Variants in DENND4C observed in about 807,000 individuals in gnomAD.
DENND4C encodes the protein DENN domain-containing protein 4C.
In DENND4C, 108 loss-of-function variants were observed where a neutral mutation model predicts 203.0. That is an observed-to-expected ratio of 0.53 (90% CI 0.46 to 0.62). The LOEUF is 0.62. Ranked by LOEUF, DENND4C falls within the 20% of genes least tolerant of loss-of-function variation. The probability of loss-of-function intolerance (pLI) is 0.00; values close to 1 mark genes in which losing one functional copy is unlikely to be tolerated. For synonymous variants in DENND4C, 871 were observed against 792.4 expected (o/e 1.10, Z -1.67); for missense variants, 2,481 against 2,301.2 (o/e 1.08, Z -1.60).
rs954455713 is a variant in DENND4C at position 19,346,812 on chromosome 9, C to T, written c.4043C>T (p.Ala1348Val). Reference sequence around the variant, plus strand: ...CCTGAAAGTGAAAAGAGCTCACCTGCAGTGTCCAGGTCTAAAACTTTTACT... The same window carrying T: ...CCTGAAAGTGAAAAGAGCTCACCTGTAGTGTCCAGGTCTAAAACTTTTACT... Reference protein sequence around the residue: ...ENPESEKSSPAVSRSKTFTGR... With the variant: ...ENPESEKSSPVVSRSKTFTGR... The change falls in exon 23 of 33, where the codon GCA (alanine) becomes GTA (valine). Residue 1348 changes from alanine (A) to valine (V), a missense_variant. This residue lies in a region of DENND4C where 2,289 missense variants were observed against 2,113.3 expected (regional missense o/e 1.08). Coordinates refer to ENST00000434457, the MANE Select transcript of DENND4C (RefSeq NM_001330640.2). 6.2e-7 allele frequency: 1 copy of T among 1,614,210 alleles called. No individual in the cohort carries two copies. Among genetic ancestry groups the T allele is most frequent in the Non-Finnish European group, 8.5e-7 (1 of 1,180,034 alleles).
chr9:19,311,522 A>G lies in DENND4C; in HGVS notation c.1488-4895A>G, dbSNP rs143585079. On this transcript the variant is annotated intron_variant, in intron 10 of 32. Coordinates refer to ENST00000434457, the MANE Select transcript of DENND4C (RefSeq NM_001330640.2). ...GTTGAGATTTGCTTTGAAGCCAAGT[A>G]TATCGTCAGTTTTTGTAAATATTCT... 2.5e-3 allele frequency among the ~76,000 whole-genome samples: 378 copies of G among 152,314 alleles called. 2 individuals carry two copies. Among genetic ancestry groups the G allele is most frequent in the African/African-American group, 8.8e-3 (366 of 41,578 alleles).
At chr9:19,234,140 G>C (rs540252629) in intron 1 of DENND4C, among the ~76,000 whole-genome samples, 1 of 152,092 alleles carries the variant, frequency 6.6e-6, no homozygotes, top group East Asian at 1.9e-4. Flanking sequence ...GCTTTTAATA[G>C]TCCAAAGTTT....
chr9:19,373,151 A>G lies in DENND4C; in HGVS notation c.*978A>G, dbSNP rs770069253. The G allele has an allele frequency of 5.9e-5, 9 of 152,194 alleles. No homozygotes were observed. The highest frequency in any genetic ancestry group is 8.8e-5 in the Non-Finnish European group (6 of 68,032). The allele number at this position is 152,194 out of a possible 1,614,324, so 9.4% of individuals were successfully genotyped here. A position where few individuals can be genotyped will look rare whatever the true frequency, so the allele number is the denominator to read the frequency against. The stretch of plus-strand genomic sequence containing the variant: ...AAAATTAATTGTAGTTTTTGCCACT[A>G]TTAATGGCAAAAACCGCAATTATTT... On this transcript the variant is annotated 3_prime_UTR_variant, in exon 33 of 33. Transcript: ENST00000434457.
chr9:19,261,196 C>T (rs548137576), intron 1 of DENND4C, among the ~76,000 whole-genome samples: 2 of 152,074 alleles, frequency 1.3e-5, no homozygotes, highest in East Asian at 3.9e-4. Context: ...TTTCTGGGTT[C>T]TCTATTGTGT....
intron 1 of DENND4C, among the ~76,000 whole-genome samples, chr9:19,272,861 G>A (rs1156925065): frequency 7.9e-5 from 12 of 151,766 alleles, no homozygotes; most frequent in Non-Finnish European, 1.6e-4. Flanking sequence ...TCTGCCTCCC[G>A]GGTTCAAGTG....
chr9:19,251,314 G>A (rs1826526076), intron 1 of DENND4C, among the ~76,000 whole-genome samples: 1 of 152,208 alleles, frequency 6.6e-6, no homozygotes, highest in African/African-American at 2.4e-5. Context: ...TGGAGTGGCT[G>A]GGATGCAGAG....
chr9:19,371,119 C>T (rs887824704), intron 31 of DENND4C, among the ~76,000 whole-genome samples: 6 of 147,822 alleles, frequency 4.1e-5, no homozygotes, highest in African/African-American at 1.6e-4. Flanking sequence ...ATCAGCCTTA[C>T]GTCTTTTTTT....
rs1194040675 is a variant in DENND4C at position 19,347,910 on chromosome 9, AC to A, written c.4317+825del. Among the ~76,000 whole-genome samples, 16 of 152,360 alleles carry A rather than the reference AC, an allele frequency of 1.1e-4. 1 individual carries two copies. Among genetic ancestry groups the A allele is most frequent in the Middle Eastern group, 3.4e-3 (1 of 294 alleles). On this transcript the variant is annotated intron_variant, in intron 23 of 32. Transcript: ENST00000434457. ...GGCAAAAATAATTGTCTTTAAAAAA[AC>A]GTTATACATAGAGTTAATCATTAGA...
chr9:19,358,048 CT>C lies in DENND4C; in HGVS notation c.5051del (p.Leu1684Ter), dbSNP rs1365696183. 6.2e-7 allele frequency: 1 copy of C among 1,613,792 alleles called. No homozygotes were observed. The highest frequency in any genetic ancestry group is 8.5e-7 in the Non-Finnish European group (1 of 1,179,840). Reference sequence around the variant, plus strand: ...AATAGTTTATCAAAGCGAAATGTGTCTTTGACTCGAAGTCACAGTGTTGGAG... The same window carrying C: ...AATAGTTTATCAAAGCGAAATGTGTCTTGACTCGAAGTCACAGTGTTGGAG... The part of the protein sequence containing the change: ...VPNSLSKRNV[S>X]LTRSHSVGGP... On this transcript the variant is annotated frameshift_variant, in exon 28 of 33. Transcript: ENST00000434457. LOFTEE classifies it high-confidence loss of function. This position sits in a 1 kb window ranked among gnomAD's most constrained non-coding sequence, Gnocchi z 4.8.
At position 19,304,693 on chromosome 9, in the gene DENND4C, C is replaced by T. The variant is rs564724595; in HGVS notation, c.1312-659C>T. Among the ~76,000 whole-genome samples the T allele has an allele frequency of 1.1e-3, 171 of 151,296 alleles. 2 individuals carry two copies. Among genetic ancestry groups the T allele is most frequent in the South Asian group, 0.011 (52 of 4,790 alleles). On this transcript the variant is annotated intron_variant, in intron 9 of 32. Transcript: ENST00000434457. ...CTGGGACTATAGGGGCCCACCACCA[C>T]GTCTGGCTAATTTTTTGTACTTTTT... is the stretch of plus-strand genomic sequence containing the variant.
chr9:19,319,395 T>TATATATATACACACATATATATATATAC (rs1563799266), intron 12 of DENND4C, among the ~76,000 whole-genome samples: 1 of 130,088 alleles, frequency 7.7e-6, no homozygotes, highest in Non-Finnish European at 1.5e-5. Flanking sequence ...TATATATACA[T>TATATATATACACACATATATATATATAC]ATATATATAC....
intron 10 of DENND4C, among the ~76,000 whole-genome samples, chr9:19,306,743 T>TTGTA (rs1188223908): frequency 6.9e-5 from 10 of 143,986 alleles, no homozygotes; most frequent in Admixed American, 3.6e-4. Context: ...GTTTGCACAA[T>TTGTA]TGTATTTATT....
intron 3 of DENND4C, among the ~76,000 whole-genome samples, chr9:19,287,481 A>C (rs1588846340): frequency 6.6e-6 from 1 of 151,098 alleles, no homozygotes; most frequent in East Asian, 2.0e-4. Flanking sequence ...ACCAGGCTCA[A>C]GTGATCTTCC....
chr9:19,335,138 G>T, intron 18 of DENND4C, 33 bp downstream of exon 18: 1 of 1,442,662 alleles, frequency 6.9e-7, no homozygotes, highest in East Asian at 2.5e-5. Flanking sequence ...AAGATGTGGT[G>T]TTTATTAAGA....
chr9:19,264,800 T>C (rs945747933), intron 1 of DENND4C, among the ~76,000 whole-genome samples: 1 of 152,134 alleles, frequency 6.6e-6, no homozygotes, highest in Non-Finnish European at 1.5e-5. Flanking sequence ...TTGATTTATT[T>C]CTGCTGTGAT....
Position 19,286,886 on chromosome 9 carries a change from C to A in DENND4C, c.423C>A (p.Ile141=). The part of the protein sequence containing the change: ...NSSTTSQRIF[I]TYRRAPPVRP... Reference sequence around the variant, plus strand: ...CAACTACTTCACAAAGAATCTTTATCACTTATCGAAGGGCTCCTCCAGTTC... The same window carrying A: ...CAACTACTTCACAAAGAATCTTTATAACTTATCGAAGGGCTCCTCCAGTTC... Residue 141 remains isoleucine (I), a synonymous_variant, in exon 3 of 33, where the codon ATC becomes ATA. Transcript: ENST00000434457. 1 of 1,232,142 alleles carries A rather than the reference C, an allele frequency of 8.1e-7. No homozygotes were observed. The highest frequency in any genetic ancestry group is 1.0e-6 in the Non-Finnish European group (1 of 987,956). The allele number at this position is 1,232,142 out of a possible 1,614,324, so 76.3% of individuals were successfully genotyped here. A position where few individuals can be genotyped will look rare whatever the true frequency, so the allele number is the denominator to read the frequency against.
At position 19,373,755 on chromosome 9, in the gene DENND4C, T is replaced by G. The variant is rs878883486; in HGVS notation, c.*1582T>G. On this transcript the variant is annotated 3_prime_UTR_variant, in exon 33 of 33. Coordinates refer to ENST00000434457, the MANE Select transcript of DENND4C (RefSeq NM_001330640.2). The stretch of plus-strand genomic sequence containing the variant: ...TGGTTTTGTGTGTGTTTACAGTAAT[T>G]ATGCAGATGACTAAATGAGTTGACA... Among the ~76,000 whole-genome samples the G allele has an allele frequency of 1.3e-5, 2 of 152,114 alleles. No individual in the cohort carries two copies. Among genetic ancestry groups the G allele is most frequent in the Admixed American group, 1.3e-4 (2 of 15,256 alleles).
intron 1 of DENND4C, among the ~76,000 whole-genome samples, chr9:19,268,255 A>G (rs1193572273): frequency 6.6e-6 from 1 of 151,950 alleles, no homozygotes; most frequent in African/African-American, 2.4e-5. Flanking sequence ...GTGCACCACT[A>G]TACCTGGCGA....
rs1293161413 is a variant in DENND4C, at chr9:19,273,043, G to A, written c.-17-3115G>A. On this transcript the variant is annotated intron_variant, in intron 1 of 32. Transcript: ENST00000434457. The stretch of plus-strand genomic sequence containing the variant: ...GGCTCACTGCAAGCTCCACCTCCCG[G>A]GTTCACGCCATTCTCCTGCCTCAGC... Among the ~76,000 whole-genome samples the A allele has an allele frequency of 5.3e-5, 8 of 150,942 alleles. 1 individual carries two copies. Among genetic ancestry groups the A allele is most frequent in the African/African-American group, 2.0e-4 (8 of 40,732 alleles).
Sources: allele counts gnomAD v4.1 joint callset (sites outside exome capture counted in the v4.1 genomes callset), GRCh38; gene constraint gnomAD v4.1.1; regional missense constraint gnomAD v4.1.1; non-coding constraint Gnocchi (gnomAD v3.1); transcripts MANE v1.5; gene names NCBI Gene and HGNC (gene_info 2026-07-23, HGNC 2026-07-21).